Variants in UBE4A observed in about 807,000 individuals in gnomAD.
UBE4A encodes the protein ubiquitin conjugation factor E4 A.
UBE4A carries 48 observed loss-of-function variants against 117.9 expected under a neutral mutation model. That is an observed-to-expected ratio of 0.41 (90% CI 0.32 to 0.52). The LOEUF (loss-of-function observed/expected upper bound fraction) is 0.52, where lower values mean the gene tolerates loss of function less well. UBE4A is among the 20% of genes least tolerant of loss of function. UBE4A has a pLI of 0.33. For synonymous variants in UBE4A, 407 were observed against 450.0 expected (o/e 0.90, Z 1.21); for missense variants, 1,067 against 1,296.3 (o/e 0.82, Z 2.72).
At chr11:118,371,898 A>G (rs1948613183) in intron 5 of UBE4A, among the ~76,000 whole-genome samples, 2 of 152,102 alleles carry the variant, frequency 1.3e-5, no homozygotes, top group African/African-American at 4.8e-5. Flanking sequence ...CTTGGGGTCC[A>G]CCCTTCTCCC....
rs1555126550 is a variant in UBE4A at position 118,382,730 on chromosome 11, A to G, written c.2151A>G (p.Gln717=). Residue 717 remains glutamine (Q), a synonymous_variant, in exon 13 of 20, where the codon CAA becomes CAG. Transcript: ENST00000252108. ...RVFCNFQYAP[Q]LAEALIKVFV... ...TCTGCAACTTTCAGTATGCACCCCA[A>G]CTTGCAGAGGCTCTAATCAAGGTTT... The G allele has an allele frequency of 6.2e-7, 1 of 1,602,084 alleles. No individual in the cohort carries two copies. The highest frequency in any genetic ancestry group is 1.7e-5 in the Admixed American group (1 of 58,996).
chr11:118,364,941 A>G (rs1252904580), intron 1 of UBE4A, 99 bp from the exon 2 acceptor site: 2 of 1,135,238 alleles, frequency 1.8e-6, no homozygotes, highest in East Asian at 5.7e-5. Context: ...GTATTTTAAA[A>G]TGTATTGTAT....
chr11:118,375,073 G>C lies in UBE4A; in HGVS notation c.1294G>C (p.Asp432His), dbSNP rs782815269. 23 of 1,614,104 alleles carry C rather than the reference G, an allele frequency of 1.4e-5. No homozygotes were observed. The South Asian group carries it at 2.3e-4, about 16-fold the overall frequency. ...PEIFFQMYASDAFFLNLGAAL... is the reference protein window; with the variant it reads ...PEIFFQMYASHAFFLNLGAAL... Reference sequence around the variant, plus strand: ...AATCTTTTTCCAAATGTATGCCTCAGATGCTTTCTTTCTGAATCTGGGTGC... The same window carrying C: ...AATCTTTTTCCAAATGTATGCCTCACATGCTTTCTTTCTGAATCTGGGTGC... Residue 432 changes from aspartate to histidine, a missense_variant, in exon 9 of 20, where the codon GAT becomes CAT. Coordinates refer to ENST00000252108, the MANE Select transcript of UBE4A (RefSeq NM_001204077.2).
At chr11:118,390,291 G>C (rs1555128037) in intron 17 of UBE4A, among the ~76,000 whole-genome samples, 3 of 151,046 alleles carry the variant, frequency 2.0e-5, no homozygotes, top group African/African-American at 7.3e-5. Context: ...GTTTAGAAAA[G>C]TAGCATTCTT....
chr11:118,379,267 T>G (rs1555125863), intron 10 of UBE4A, among the ~76,000 whole-genome samples, 179 bp from the exon 11 acceptor site: 1 of 152,234 alleles, frequency 6.6e-6, no homozygotes, highest in East Asian at 1.9e-4. Flanking sequence ...GGCAGCATTT[T>G]CCCATTGCTG....
intron 1 of UBE4A, among the ~76,000 whole-genome samples, chr11:118,363,618 T>TC: frequency 6.7e-6 from 1 of 149,876 alleles, no homozygotes; most frequent in Non-Finnish European, 1.5e-5. Flanking sequence ...TTTTTTTTTT[T>TC]TTTTTTTTTT....
At chr11:118,389,556 A>G (rs914210395) in intron 16 of UBE4A, among the ~76,000 whole-genome samples, 169 bp from the exon 17 acceptor site, 6 of 152,202 alleles carry the variant, frequency 3.9e-5, no homozygotes, top group South Asian at 2.1e-4. Flanking sequence ...TTGCTTGTCT[A>G]TATTTTCTGC....
At chr11:118,369,652 T>C in intron 4 of UBE4A, 117 bp downstream of exon 4, 4 of 630,610 alleles carry the variant, frequency 6.3e-6, no homozygotes, top group Non-Finnish European at 7.9e-6. Context: ...CTCTCTTTTT[T>C]TTTTTTTTTT....
At chr11:118,377,400 G>A (rs550332585) in intron 10 of UBE4A, among the ~76,000 whole-genome samples, 153 of 151,760 alleles carry the variant, frequency 1.0e-3, no homozygotes, top group African/African-American at 3.3e-3. Flanking sequence ...GTAGAGATGG[G>A]GTTTCGCTGT....
At position 118,373,305 on chromosome 11, in the gene UBE4A, A is replaced by G. The variant is rs1409823337; in HGVS notation, c.924+17A>G. The G allele has an allele frequency of 1.2e-6, 2 of 1,609,940 alleles. No homozygotes were observed. The highest frequency in any genetic ancestry group is 1.1e-5 in the South Asian group (1 of 90,800). ...ATGGCAAAGGTAGGTCTGAAAGATGATATGTATTCAGTTGAGCTAGATGTG... is the reference window on the plus strand; with the variant it reads ...ATGGCAAAGGTAGGTCTGAAAGATGGTATGTATTCAGTTGAGCTAGATGTG... On this transcript the variant is annotated intron_variant, in intron 7 of 19. Transcript: ENST00000252108.
At chr11:118,376,833 T>A in intron 10 of UBE4A, 139 bp downstream of exon 10, 2 of 1,043,662 alleles carry the variant, frequency 1.9e-6, no homozygotes, top group Non-Finnish European at 2.7e-6. Flanking sequence ...AAGGATTGCT[T>A]GAGGCCAGAA....
chr11:118,360,832 T>G (rs1948514313), intron 1 of UBE4A, among the ~76,000 whole-genome samples: 1 of 152,124 alleles, frequency 6.6e-6, no homozygotes, highest in African/African-American at 2.4e-5. Flanking sequence ...GTGAAACTTG[T>G]TTTCAAGGAG....
rs1162721842 is a variant in UBE4A at position 118,397,752 on chromosome 11, C to T, written c.*1312C>T. 6.6e-6 allele frequency: 1 copy of T among 152,204 alleles called. No homozygotes were observed. Among genetic ancestry groups the T allele is most frequent in the Non-Finnish European group, 1.5e-5 (1 of 68,026 alleles). 9.4% of individuals were successfully genotyped at this position (152,204 alleles called of 1,614,324 possible). On this transcript the variant is annotated 3_prime_UTR_variant, in exon 20 of 20. Transcript: ENST00000252108. Reference sequence around the variant, plus strand: ...GATCAAGAAATGGGTGTCACTGCTTCATTTGGAACATGTTATTAACTATGG... The same window carrying T: ...GATCAAGAAATGGGTGTCACTGCTTTATTTGGAACATGTTATTAACTATGG...
rs770887713 is a variant in UBE4A, at chr11:118,368,669, G to A, written c.160G>A (p.Val54Met). 24 of 1,614,182 alleles carry A rather than the reference G, an allele frequency of 1.5e-5. No homozygotes were observed. Among genetic ancestry groups the A allele is most frequent in the African/African-American group, 6.7e-5 (5 of 75,044 alleles). The change falls in exon 3 of 20, where the codon GTG (valine) becomes ATG (methionine). Residue 54 changes from valine to methionine, a missense_variant. By Grantham distance (21) the Val-to-Met change is conservative (BLOSUM62 1). This residue lies in a region of UBE4A where 1,001 missense variants were observed against 1,184.0 expected (regional missense o/e 0.85). Transcript: ENST00000252108. ...TAGCCCAGATGACTCGGATAATAGC[G>A]TGTCAGAGAGCCTGGATGAATTCGA... is the stretch of plus-strand genomic sequence containing the variant. ...PASPDDSDNS[V>M]SESLDEFDYS...
rs1948642700 is a variant in UBE4A, at chr11:118,375,332, AGAT to A, written c.1450+106_1450+108del. ...TTCACAGAGTTCCTTTCTCAAAAAA[AGAT>A]GAGGCAGAAACGAGCTATTTCGATT... On this transcript the variant is annotated intron_variant, in intron 9 of 19. Transcript: ENST00000252108. The A allele has an allele frequency of 2.2e-5, 26 of 1,188,556 alleles. No homozygotes were observed. In the South Asian group the frequency reaches 5.0e-4, roughly 23 times the overall value. The allele number at this position is 1,188,556 out of a possible 1,614,324, so 73.6% of individuals were successfully genotyped here.
rs5795126 is a variant in UBE4A at position 118,396,547 on chromosome 11, C to CTTTTTTTTTTTTT, written c.*113_*125dup. On this transcript the variant is annotated 3_prime_UTR_variant, in exon 20 of 20. Coordinates refer to ENST00000252108, the MANE Select transcript of UBE4A (RefSeq NM_001204077.2). ...TCCTTTTCTTTCTTCTTTTCTTTTT[C>CTTTTTTTTTTTTT]TTTTTTTTTTTTTTTTTTACTAAAT... is the stretch of plus-strand genomic sequence containing the variant. The CTTTTTTTTTTTTT allele has an allele frequency of 3.7e-6, 3 of 817,884 alleles. No individual in the cohort carries two copies. The highest frequency in any genetic ancestry group is 2.3e-5 in the South Asian group (1 of 43,956). The allele number at this position is 817,884 out of a possible 1,614,324, so 50.7% of individuals were successfully genotyped here.
chr11:118,371,691 A>G (rs752782370), intron 5 of UBE4A, 25 bp downstream of exon 5: 1 of 1,601,158 alleles, frequency 6.2e-7, no homozygotes, highest in South Asian at 1.1e-5. Context: ...CCCATTGAAT[A>G]CTGTATTGTC....
intron 16 of UBE4A, 34 bp from the exon 17 acceptor site, chr11:118,389,691 A>G (rs782041679): frequency 6.4e-6 from 10 of 1,550,994 alleles, no homozygotes; most frequent in Non-Finnish European, 7.9e-6. Context: ...GTGCTAATGG[A>G]TTGAGTTTTC....
At position 118,397,850 on chromosome 11, in the gene UBE4A, TGCATCAGCTGGAAAGCCTC is replaced by T. The variant is rs1158911125; in HGVS notation, c.*1411_*1429del. ...AAGCAGTCCTTGATGGGTTTTTGAT[TGCATCAGCTGGAAAGCCTC>T]AAATCTAAGAGGGCTTCCCATCCTA... On this transcript the variant is annotated 3_prime_UTR_variant, in exon 20 of 20. Coordinates refer to ENST00000252108, the MANE Select transcript of UBE4A (RefSeq NM_001204077.2). 1.3e-5 allele frequency: 2 copies of T among 152,204 alleles called. No individual in the cohort carries two copies. Among genetic ancestry groups the T allele is most frequent in the Non-Finnish European group, 2.9e-5 (2 of 68,038 alleles). 9.4% of individuals were successfully genotyped at this position (152,204 alleles called of 1,614,324 possible).
Sources: gnomAD v4.1 joint callset for allele counts (sites outside exome capture counted in the v4.1 genomes callset) on GRCh38, gnomAD v4.1.1 for gene constraint, gnomAD v4.1.1 regional missense constraint, MANE v1.5 for transcripts, NCBI Gene and HGNC (gene_info 2026-07-23, HGNC 2026-07-21) for gene names.